TPO: variants seen among roughly 807,000 people sequenced by gnomAD.
TPO encodes thyroid peroxidase.
In TPO, 78 loss-of-function variants were observed where a neutral mutation model predicts 96.9. The ratio of observed to expected loss-of-function variants is 0.81; its 90% CI spans 0.67 to 0.97. The LOEUF (loss-of-function observed/expected upper bound fraction) is 0.97, where lower values mean the gene tolerates loss of function less well. Ranked by LOEUF, TPO falls within the 50% of genes least tolerant of loss-of-function variation. The pLI is 0.00. For missense variants in TPO, 1,252 were observed against 1,274.8 expected (o/e 0.98, Z 0.27); for synonymous variants, 547 against 538.0 (o/e 1.02, Z -0.23).
At chr2:1,446,730 T>C (rs1374192176) in intron 5 of TPO, among the ~76,000 whole-genome samples, 2 of 152,246 alleles carry the variant, frequency 1.3e-5, no homozygotes, top group African/African-American at 2.4e-5. Context: ...CCAGCTGAGA[T>C]TGGCCTTTTC....
intron 10 of TPO, among the ~76,000 whole-genome samples, chr2:1,493,408 A>G (rs1671988987): frequency 6.6e-6 from 1 of 152,250 alleles, no homozygotes; most frequent in Non-Finnish European, 1.5e-5. Context: ...ACCTGCAAAA[A>G]GAGCTCTGGC....
chr2:1,497,991 C>CAAAAA (rs543921082), intron 13 of TPO, among the ~76,000 whole-genome samples: 6 of 87,272 alleles, frequency 6.9e-5, no homozygotes, highest in Admixed American at 2.6e-4. Flanking sequence ...CCCCATCTAC[C>CAAAAA]AAAAAAAAAA....
intron 5 of TPO, among the ~76,000 whole-genome samples, chr2:1,453,351 G>C (rs1667482537): frequency 6.6e-6 from 1 of 152,214 alleles, no homozygotes; most frequent in African/African-American, 2.4e-5. Flanking sequence ...AGAAGTTTCT[G>C]TCCTCCAGAG....
chr2:1,504,926 T>G (rs1339794723), intron 14 of TPO, among the ~76,000 whole-genome samples: 1 of 152,122 alleles, frequency 6.6e-6, no homozygotes, highest in Non-Finnish European at 1.5e-5. Context: ...AAGAACCAAG[T>G]GCAAGGCTCA....
intron 7 of TPO, among the ~76,000 whole-genome samples, chr2:1,468,053 C>A (rs1003886599): frequency 6.6e-6 from 1 of 151,576 alleles, no homozygotes; most frequent in African/African-American, 2.4e-5. Context: ...CTTCTTCTAC[C>A]CCTTTACCTT....
intron 14 of TPO, 110 bp downstream of exon 14, chr2:1,504,189 C>T (rs1267392148): frequency 4.4e-6 from 7 of 1,580,588 alleles, no homozygotes; most frequent in African/African-American, 2.7e-5. Context: ...TTGGGAAGGG[C>T]GGAGATGAAT....
chr2:1,487,047 C>A (rs530067488), intron 9 of TPO, among the ~76,000 whole-genome samples: 1 of 152,196 alleles, frequency 6.6e-6, no homozygotes, highest in Non-Finnish European at 1.5e-5. Context: ...TGGGTTCACA[C>A]GCCACTGAGA....
intron 15 of TPO, among the ~76,000 whole-genome samples, chr2:1,527,520 T>G (rs1245058685): frequency 6.9e-6 from 1 of 144,106 alleles, no homozygotes; most frequent in East Asian, 2.4e-4. Context: ...TCCCAGTGTG[T>G]GCAACTTCCC....
intron 3 of TPO, among the ~76,000 whole-genome samples, chr2:1,432,387 T>C (rs1018734870): frequency 6.6e-6 from 1 of 152,214 alleles, no homozygotes; most frequent in Non-Finnish European, 1.5e-5. Context: ...GGCAAGCCAG[T>C]TGTGAAACCT....
At chr2:1,378,072 C>T (rs761464139) in intron 1 of TPO, among the ~76,000 whole-genome samples, 5 of 152,160 alleles carry the variant, frequency 3.3e-5, no homozygotes, top group Admixed American at 6.5e-5. Flanking sequence ...TTCTCATTGT[C>T]GCTTGTCTGT....
intron 15 of TPO, among the ~76,000 whole-genome samples, chr2:1,535,395 A>T (rs981050375): frequency 2.1e-3 from 19 of 8,940 alleles, no homozygotes; most frequent in South Asian, 0.015. Context: ...CCCCACTGTG[A>T]GCAACCTCCC....
intron 7 of TPO, among the ~76,000 whole-genome samples, chr2:1,476,532 A>T (rs1280416546): frequency 3.9e-5 from 6 of 152,208 alleles, no homozygotes; most frequent in African/African-American, 1.4e-4. Flanking sequence ...CAAAACTCGG[A>T]GACTGTTTAC....
chr2:1,451,110 C>T (rs1445464036), intron 5 of TPO, among the ~76,000 whole-genome samples: 1 of 152,160 alleles, frequency 6.6e-6, no homozygotes, highest in African/African-American at 2.4e-5. Context: ...GATGAGGTAG[C>T]AGCTGGTGCA....
chr2:1,408,000 G>A (rs1662271863), intron 1 of TPO, among the ~76,000 whole-genome samples: 1 of 152,162 alleles, frequency 6.6e-6, no homozygotes, highest in South Asian at 2.1e-4. Flanking sequence ...CACGTAATTT[G>A]GAAACTACTA....
intron 3 of TPO, among the ~76,000 whole-genome samples, chr2:1,423,745 C>T (rs1042695743): frequency 2.0e-5 from 3 of 152,154 alleles, no homozygotes. Context: ...TATCAAAAGA[C>T]AGCAGTTAAT....
At chr2:1,473,447 G>A (rs1298633970) in intron 7 of TPO, among the ~76,000 whole-genome samples, 1 of 152,076 alleles carries the variant, frequency 6.6e-6, no homozygotes, top group East Asian at 1.9e-4. Context: ...GGTCATAGCG[G>A]CCTTATAGTA....
In TPO at chr2:1,414,506, A is replaced by G. The variant is rs370016171; in HGVS notation, c.94+4A>G. Reference sequence around the variant, plus strand: ...AGAGGGAAAGAACTCCTTTGGGGTAAGTAGCAAACACATTGCGGTCTTCTG... The same window carrying G: ...AGAGGGAAAGAACTCCTTTGGGGTAGGTAGCAAACACATTGCGGTCTTCTG... On this transcript the variant is annotated splice_donor_region_variant and intron_variant, in intron 2 of 16. Coordinates refer to ENST00000329066, the MANE Select transcript of TPO (RefSeq NM_001206744.2). 74 of 1,613,570 alleles carry G rather than the reference A, an allele frequency of 4.6e-5. No homozygotes were observed. Among genetic ancestry groups the G allele is most frequent in the Middle Eastern group, 1.6e-4 (1 of 6,082 alleles).
chr2:1,525,114 A>C (rs1222153559), intron 15 of TPO, among the ~76,000 whole-genome samples: 20 of 27,340 alleles, frequency 7.3e-4, no homozygotes, highest in African/African-American at 9.8e-4. Flanking sequence ...TCAAATCCCC[A>C]AACTGTGTGC....
At chr2:1,524,793 C>T (rs1018174568) in intron 15 of TPO, among the ~76,000 whole-genome samples, 8 of 136,474 alleles carry the variant, frequency 5.9e-5, no homozygotes, top group African/African-American at 2.2e-4. Context: ...TGAGCAGCCT[C>T]CTCAAATCCC....
Sources: gnomAD v4.1 joint callset for allele counts (sites outside exome capture counted in the v4.1 genomes callset) on GRCh38, gnomAD v4.1.1 for gene constraint, MANE v1.5 for transcripts, NCBI Gene and HGNC (gene_info 2026-07-23, HGNC 2026-07-21) for gene names.